Variants in HABP4 observed in about 807,000 individuals in gnomAD.
The protein encoded by HABP4 is hyaluronan binding protein 4.
Under a neutral mutation model 44.1 loss-of-function variants are expected in HABP4, and 32 were observed. The observed-to-expected ratio is 0.73, with a 90% CI of 0.55 to 0.97. The LOEUF (loss-of-function observed/expected upper bound fraction) is 0.97. Ranked by LOEUF, HABP4 falls within the 50% of genes least tolerant of loss-of-function variation. The pLI is 0.00. For missense variants in HABP4, 503 were observed against 561.9 expected (o/e 0.90, Z 1.06); for synonymous variants, 216 against 218.0 (o/e 0.99, Z 0.08).
intron 5 of HABP4, chr9:96,482,973 G>A (rs1283691127): frequency 2.0e-5 from 3 of 152,204 alleles, no homozygotes; most frequent in African/African-American, 7.2e-5. Flanking sequence ...AAGTTTTCAT[G>A]TGGATGTGTG....
chr9:96,456,671 A>G (rs1832381891), intron 1 of HABP4, among the ~76,000 whole-genome samples: 1 of 148,176 alleles, frequency 6.7e-6, no homozygotes, highest in Admixed American at 6.8e-5. Flanking sequence ...GAGGCAGGAG[A>G]ATGGCGTGAA....
At chr9:96,487,038 A>C (rs778073135) in intron 6 of HABP4, among the ~76,000 whole-genome samples, 1 of 152,004 alleles carries the variant, frequency 6.6e-6, no homozygotes. Context: ...ACAGAATGCC[A>C]GTGCTCCTGG....
At chr9:96,455,137 C>T (rs1832351700) in intron 1 of HABP4, among the ~76,000 whole-genome samples, 1 of 151,836 alleles carries the variant, frequency 6.6e-6, no homozygotes, top group Admixed American at 6.6e-5. Flanking sequence ...GTGTCATTAT[C>T]TTGATATGTC....
Position 96,490,300 on chromosome 9 carries a change from A to C in HABP4, c.*262A>C. 1 of 511,878 alleles carries C rather than the reference A, an allele frequency of 2.0e-6. No individual in the cohort carries two copies. 31.7% of individuals were successfully genotyped at this position (511,878 alleles called of 1,614,324 possible). A position where few individuals can be genotyped will look rare whatever the true frequency, so the allele number is the denominator to read the frequency against. ...ATGAAGAATAATGTTTAAAATGTGT[A>C]TATAGAGATAGTATAGACTCCTCCG... On this transcript the variant is annotated 3_prime_UTR_variant, in exon 8 of 8. Transcript: ENST00000375249.
intron 5 of HABP4, among the ~76,000 whole-genome samples, chr9:96,481,938 CTT>C (rs112457385): frequency 2.6e-4 from 37 of 142,180 alleles, no homozygotes; most frequent in Non-Finnish European, 2.9e-4. Context: ...ATCTCTAGAA[CTT>C]TTTTTTTTTT....
chr9:96,465,498 T>G lies in HABP4; in HGVS notation c.674T>G (p.Ile225Arg). The change falls in exon 3 of 8, where the codon ATA becomes AGA. Residue 225 changes from isoleucine to arginine, a missense_variant and splice_region_variant. Ile to Arg is a moderately conservative substitution (Grantham distance 97, BLOSUM62 -3). Transcript: ENST00000375249. ...GAAAGATATGGTGGGAATGACAAAA[T>G]GTAAGTTTCTTTGTAAATGCTATTT... ...EFERYGGNDK[I>R]AVRTEDNMGG... is the part of the protein sequence containing the mutation. 1.3e-6 allele frequency: 2 copies of G among 1,599,062 alleles called. No homozygotes were observed. The highest frequency in any genetic ancestry group is 2.2e-5 in the East Asian group (1 of 44,800).
intron 2 of HABP4, among the ~76,000 whole-genome samples, chr9:96,460,354 C>T (rs1832479643): frequency 6.6e-6 from 1 of 152,096 alleles, no homozygotes; most frequent in Admixed American, 6.6e-5. Context: ...ATTCATCCCC[C>T]ACCACACCAC....
chr9:96,472,687 G>A (rs1319762685), intron 5 of HABP4, among the ~76,000 whole-genome samples: 1 of 152,156 alleles, frequency 6.6e-6, no homozygotes, highest in Non-Finnish European at 1.5e-5. Context: ...CTTCCAGTCA[G>A]CATTTAAACA....
intron 1 of HABP4, among the ~76,000 whole-genome samples, chr9:96,457,606 G>A (rs536544322): frequency 6.6e-6 from 1 of 152,222 alleles, no homozygotes; most frequent in Non-Finnish European, 1.5e-5. Context: ...TGAGGCTCAT[G>A]CCTGTAATCC....
chr9:96,476,649 A>G (rs932893486), intron 5 of HABP4, among the ~76,000 whole-genome samples: 8 of 152,368 alleles, frequency 5.3e-5, no homozygotes, highest in South Asian at 4.1e-4. Context: ...CGAAGGATAC[A>G]TCTCTTCCTG....
At chr9:96,462,377 G>C (rs950588585) in intron 2 of HABP4, among the ~76,000 whole-genome samples, 1 of 152,124 alleles carries the variant, frequency 6.6e-6, no homozygotes, top group Non-Finnish European at 1.5e-5. Context: ...CTTGAACCTG[G>C]GAAGTGGAGG....
intron 5 of HABP4, among the ~76,000 whole-genome samples, chr9:96,474,931 A>G (rs773010283): frequency 5.3e-5 from 8 of 152,134 alleles, no homozygotes; most frequent in African/African-American, 9.7e-5. Context: ...TTTTCCTCAA[A>G]TAGGACATAT....
intron 1 of HABP4, chr9:96,451,460 T>C (rs543012697): frequency 1.4e-5 from 14 of 985,052 alleles, no homozygotes; most frequent in African/African-American, 1.7e-5. Context: ...TTTCCTGTTT[T>C]CTTGAAATGA....
At chr9:96,475,454 C>G (rs893261352) in intron 5 of HABP4, among the ~76,000 whole-genome samples, 1 of 151,128 alleles carries the variant, frequency 6.6e-6, no homozygotes, top group East Asian at 1.9e-4. Context: ...ATGCCAAGAA[C>G]TGCTGTAAAT....
chr9:96,456,780 A>AAAAAATATAT (rs1554724388), intron 1 of HABP4, among the ~76,000 whole-genome samples: 1 of 44,770 alleles, frequency 2.2e-5, no homozygotes, highest in Non-Finnish European at 3.8e-5. Flanking sequence ...AAAAAAAAAA[A>AAAAAATATAT]ATATATATAT....
chr9:96,485,748 C>T (rs1419542231), intron 6 of HABP4, among the ~76,000 whole-genome samples: 1 of 152,104 alleles, frequency 6.6e-6, no homozygotes, highest in Non-Finnish European at 1.5e-5. Context: ...TGTATCATTC[C>T]ATCTACAGCT....
chr9:96,458,601 T>A (rs1832442624), intron 2 of HABP4, 60 bp downstream of exon 2: 1 of 1,096,338 alleles, frequency 9.1e-7, no homozygotes, highest in Admixed American at 2.2e-5. Context: ...GAGAAAATGC[T>A]ACTTTCTTTT....
At chr9:96,489,954 A>G in intron 7 of HABP4, 28 bp from the exon 8 acceptor site, 1 of 1,421,354 alleles carries the variant, frequency 7.0e-7, no homozygotes, top group Non-Finnish European at 1.0e-6. Flanking sequence ...GGGGCAGTGG[A>G]TTTCAAAGTA....
intron 5 of HABP4, among the ~76,000 whole-genome samples, chr9:96,478,361 G>A (rs1832818862): frequency 6.6e-6 from 1 of 152,162 alleles, no homozygotes; most frequent in Admixed American, 6.5e-5. Flanking sequence ...TCGAACTCCT[G>A]ACCTTGTGAT....
Sources: allele counts gnomAD v4.1 joint callset (sites outside exome capture counted in the v4.1 genomes callset), GRCh38; gene constraint gnomAD v4.1.1; transcripts MANE v1.5; gene names NCBI Gene and HGNC (gene_info 2026-07-23, HGNC 2026-07-21).